Variants in UTRN observed in about 807,000 individuals in gnomAD.
UTRN encodes the protein dystrophin-related protein 1.
A neutral mutation model predicts 463.9 loss-of-function variants in UTRN; 283 were observed. The ratio of observed to expected loss-of-function variants is 0.61; its 90% CI spans 0.55 to 0.67. The LOEUF (loss-of-function observed/expected upper bound fraction) is 0.67. Among genes scored for constraint, UTRN ranks in the 30% least tolerant of loss-of-function variants. The pLI, the probability that UTRN is intolerant of heterozygous loss-of-function variation, is 0.00. For synonymous variants in UTRN, 1,442 were observed against 1,431.5 expected (o/e 1.01, Z -0.17); for missense variants, 3,922 against 4,084.3 (o/e 0.96, Z 1.08).
intron 51 of UTRN, among the ~76,000 whole-genome samples, chr6:144,580,250 A>G (rs1234108741): frequency 1.0e-5 from 1 of 98,652 alleles, no homozygotes; most frequent in Non-Finnish European, 2.0e-5. Context: ...GGTGGTGCAC[A>G]GTCTTTGTGC....
chr6:144,349,193 A>G (rs113405685), intron 2 of UTRN, among the ~76,000 whole-genome samples: 2 of 152,056 alleles, frequency 1.3e-5, no homozygotes, highest in Non-Finnish European at 2.9e-5. Flanking sequence ...TATTTTTAGT[A>G]GAGACGGGGT....
Position 144,309,876 on chromosome 6 carries a change from A to T in UTRN, c.79+17969A>T, listed in dbSNP as rs550114191. Among the ~76,000 whole-genome samples, 351 of 152,316 alleles carry T rather than the reference A, an allele frequency of 2.3e-3. 2 individuals carry two copies. Among genetic ancestry groups the T allele is most frequent in the African/African-American group, 7.6e-3 (315 of 41,552 alleles). ...CTCCCCTTACTAGTTTGTGCTCATTATATGAGGCAGGCACCTCCCAGGTCA... is the reference window on the plus strand; with the variant it reads ...CTCCCCTTACTAGTTTGTGCTCATTTTATGAGGCAGGCACCTCCCAGGTCA... On this transcript the variant is annotated intron_variant, in intron 2 of 74. Transcript: ENST00000367545.
At chr6:144,352,640 G>T (rs1340799419) in intron 2 of UTRN, among the ~76,000 whole-genome samples, 2 of 152,114 alleles carry the variant, frequency 1.3e-5, no homozygotes, top group Non-Finnish European at 2.9e-5. Context: ...CTTTTAAAAA[G>T]TCCTTGAGAT....
intron 62 of UTRN, among the ~76,000 whole-genome samples, chr6:144,793,575 T>A (rs1315153839): frequency 1.3e-5 from 2 of 152,242 alleles, no homozygotes; most frequent in African/African-American, 4.8e-5. Flanking sequence ...ATGCATGATT[T>A]ATGTTTATAT....
At chr6:144,411,279 G>T (rs564265871) in intron 3 of UTRN, among the ~76,000 whole-genome samples, 1 of 152,294 alleles carries the variant, frequency 6.6e-6, no homozygotes, top group Non-Finnish European at 1.5e-5. Context: ...GTATGGCATT[G>T]TGGTTTTGAT....
Position 144,815,103 on chromosome 6 carries a change from C to T in UTRN, c.9358-5779C>T, listed in dbSNP as rs549279172. ...TTAAAAGTTGCCAACTGAACTTGAC[C>T]TTCAATAATGAGAATTGCAATAGAT... On this transcript the variant is annotated intron_variant, in intron 65 of 74. Transcript: ENST00000367545. 2.0e-4 allele frequency among the ~76,000 whole-genome samples: 31 copies of T among 152,266 alleles called. 1 individual carries two copies. The East Asian group carries it at 3.3e-3, about 16-fold the overall frequency.
intron 51 of UTRN, among the ~76,000 whole-genome samples, chr6:144,676,085 A>G (rs1277995094): frequency 4.0e-5 from 6 of 151,844 alleles, no homozygotes; most frequent in Non-Finnish European, 7.4e-5. Context: ...TTAATACTAG[A>G]TATAAATAAA....
rs950235961 is a variant in UTRN at position 144,775,707 on chromosome 6, A to C, written c.8632+1343A>C. On this transcript the variant is annotated intron_variant, in intron 60 of 74. Coordinates refer to ENST00000367545, the MANE Select transcript of UTRN (RefSeq NM_007124.3). ...CTTCTCAGGCCTGATGAGCTATAAAATGAGGACAAATGACTCAGCCACAAA... is the reference window on the plus strand; with the variant it reads ...CTTCTCAGGCCTGATGAGCTATAAACTGAGGACAAATGACTCAGCCACAAA... Among the ~76,000 whole-genome samples the C allele has an allele frequency of 2.6e-5, 4 of 152,158 alleles. No homozygotes were observed. In the East Asian group the frequency reaches 7.7e-4, roughly 29 times the overall value.
intron 51 of UTRN, among the ~76,000 whole-genome samples, chr6:144,633,081 AT>A (rs1034286128): frequency 7.2e-5 from 11 of 152,280 alleles, no homozygotes; most frequent in African/African-American, 2.2e-4. Flanking sequence ...ATAATTTAGT[AT>A]TTTGCCAGTG....
At chr6:144,474,829 A>G in intron 25 of UTRN, 70 bp downstream of exon 25, 9 of 1,532,994 alleles carry the variant, frequency 5.9e-6, no homozygotes, top group Non-Finnish European at 7.9e-6. Context: ...AGCTGACTAA[A>G]TGTATTATGA....
rs1014227198 is a variant in UTRN at position 144,522,960 on chromosome 6, AT to A, written c.5734-54del. The A allele has an allele frequency of 3.8e-6, 5 of 1,310,236 alleles. No homozygotes were observed. The Admixed American group carries it at 7.0e-5, about 18-fold the overall frequency. 81.2% of individuals were successfully genotyped at this position (1,310,236 alleles called of 1,614,324 possible). On this transcript the variant is annotated intron_variant, in intron 40 of 74. Transcript: ENST00000367545. The stretch of plus-strand genomic sequence containing the variant: ...CAATATAAATATCTGGTCATCTGTG[AT>A]TCCTTTTTTTGTTACTTTGCTGGAT...
At chr6:144,573,123 T>C (rs1399865366) in intron 50 of UTRN, among the ~76,000 whole-genome samples, 1 of 152,224 alleles carries the variant, frequency 6.6e-6, no homozygotes, top group African/African-American at 2.4e-5. Context: ...ATTGTGGTTT[T>C]GAGCTTTTTT....
At chr6:144,590,843 TACACACACACACACAC>T (rs10531216) in intron 51 of UTRN, among the ~76,000 whole-genome samples, 1 of 145,900 alleles carries the variant, frequency 6.9e-6, no homozygotes, top group African/African-American at 2.6e-5. Context: ...TCTCTCAATC[TACACACACACACACAC>T]ACACACACAC....
intron 69 of UTRN, among the ~76,000 whole-genome samples, chr6:144,834,960 G>T (rs1268140340): frequency 6.6e-6 from 1 of 152,198 alleles, no homozygotes; most frequent in East Asian, 1.9e-4. Flanking sequence ...CTAATGGACT[G>T]CCCTGCTAGT....
intron 2 of UTRN, chr6:144,333,169 G>A (rs1465493329): frequency 6.6e-6 from 1 of 152,096 alleles, no homozygotes; most frequent in Non-Finnish European, 1.5e-5. Context: ...TCGAACTCCT[G>A]ACCTCAGGTG....
chr6:144,552,205 T>C (rs1323838298), intron 48 of UTRN, among the ~76,000 whole-genome samples: 1 of 152,158 alleles, frequency 6.6e-6, no homozygotes, highest in Non-Finnish European at 1.5e-5. Flanking sequence ...GTAAAAAGTA[T>C]GTTTTGATTT....
intron 58 of UTRN, among the ~76,000 whole-genome samples, chr6:144,767,917 T>C (rs565141973): frequency 6.6e-6 from 1 of 152,318 alleles, no homozygotes; most frequent in African/African-American, 2.4e-5. Context: ...AAGCATAAAA[T>C]TGGATAGCTA....
intron 73 of UTRN, among the ~76,000 whole-genome samples, chr6:144,842,456 G>A (rs1025286280): frequency 3.3e-5 from 5 of 152,072 alleles, no homozygotes; most frequent in African/African-American, 1.2e-4. Flanking sequence ...GGTGGCACAA[G>A]CCTGTAGTTG....
chr6:144,849,247 A>G (rs1430308142), intron 74 of UTRN, among the ~76,000 whole-genome samples: 5 of 152,114 alleles, frequency 3.3e-5, no homozygotes, highest in Non-Finnish European at 7.4e-5. Context: ...CAGGTGATGG[A>G]AGGGCAACCA....
Sources: allele counts gnomAD v4.1 joint callset (sites outside exome capture counted in the v4.1 genomes callset), GRCh38; gene constraint gnomAD v4.1.1; transcripts MANE v1.5; gene names NCBI Gene and HGNC (gene_info 2026-07-23, HGNC 2026-07-21).